FRAS1: variants seen among roughly 807,000 people sequenced by gnomAD.
FRAS1 encodes extracellular matrix organizing protein FRAS1.
In FRAS1, 290 loss-of-function variants were observed where a neutral mutation model predicts 435.2. The observed-to-expected ratio is 0.67, with a 90% CI of 0.61 to 0.73. The LOEUF (loss-of-function observed/expected upper bound fraction) is 0.73, where lower values mean the gene tolerates loss of function less well. FRAS1 is among the 30% of genes least tolerant of loss of function. The pLI, the probability that FRAS1 is intolerant of heterozygous loss-of-function variation, is 0.00. For missense variants in FRAS1, 4,860 were observed against 5,001.5 expected, an observed-to-expected ratio of 0.97 and a Z score of 0.85; for synonymous variants, 1,800 against 1,851.0, an observed-to-expected ratio of 0.97 and a Z score of 0.71.
chr4:78,100,632 T>C (rs1169074506), intron 2 of FRAS1, among the ~76,000 whole-genome samples: 2 of 152,264 alleles, frequency 1.3e-5, no homozygotes, highest in Non-Finnish European at 2.9e-5. Flanking sequence ...TTTGTTTTTA[T>C]TATCTGTCAT....
chr4:78,300,925 C>T (rs538901650), intron 14 of FRAS1, among the ~76,000 whole-genome samples: 13 of 152,164 alleles, frequency 8.5e-5, no homozygotes, highest in Admixed American at 5.2e-4. Flanking sequence ...GTCCCCACCA[C>T]CCCCACCACT....
At position 78,482,517 on chromosome 4, in the gene FRAS1, A is replaced by G; in HGVS notation, c.8734A>G (p.Asn2912Asp). 1 of 1,613,870 alleles carries G rather than the reference A, an allele frequency of 6.2e-7. No homozygotes were observed. The highest frequency in any genetic ancestry group is 2.2e-5 in the East Asian group (1 of 44,882). ...TKPFQAVIAI[N>D]DTFQDVPSMQ... ...ACCCTTCCAGGCAGTCATTGCAATT[A>G]ATGACACATTCCAAGATGGTAAGAG... is the stretch of plus-strand genomic sequence containing the variant. The change falls in exon 58 of 74, where the codon AAT (asparagine) becomes GAT (aspartate). Residue 2912 changes from asparagine to aspartate, a missense_variant. Coordinates refer to ENST00000512123, the MANE Select transcript of FRAS1 (RefSeq NM_025074.7).
At chr4:78,336,923 G>A (rs11936582) in intron 19 of FRAS1, among the ~76,000 whole-genome samples, 39 of 152,152 alleles carry the variant, frequency 2.6e-4, no homozygotes, top group Admixed American at 9.2e-4. Context: ...AGCTGCAGCC[G>A]CCTCTGATTC....
intron 9 of FRAS1, among the ~76,000 whole-genome samples, chr4:78,274,752 A>T (rs558195025): frequency 2.6e-5 from 4 of 152,024 alleles, no homozygotes; most frequent in Non-Finnish European, 5.9e-5. Context: ...TTAATTTTGG[A>T]ATAGGTGTGG....
chr4:78,392,304 A>G (rs538488765), intron 29 of FRAS1, among the ~76,000 whole-genome samples: 15 of 152,182 alleles, frequency 9.9e-5, no homozygotes, highest in Non-Finnish European at 2.2e-4. Context: ...ATTTTTACAG[A>G]ACAAGTAAAA....
chr4:78,113,398 G>T (rs1288415852), intron 2 of FRAS1, among the ~76,000 whole-genome samples: 1 of 152,070 alleles, frequency 6.6e-6, no homozygotes, highest in African/African-American at 2.4e-5. Flanking sequence ...CTGAGGAATC[G>T]TCACACTGAC....
chr4:78,463,165 A>G (rs968120), intron 47 of FRAS1, among the ~76,000 whole-genome samples: 53,562 of 152,028 alleles, frequency 0.35, 9,751 homozygotes, highest in Admixed American at 0.42. Context: ...TAGCAGCCCT[A>G]AGACAGAAGC....
chr4:78,323,917 T>C (rs951939349), intron 18 of FRAS1, among the ~76,000 whole-genome samples: 1 of 152,166 alleles, frequency 6.6e-6, no homozygotes, highest in Non-Finnish European at 1.5e-5. Context: ...GAATTTCTCA[T>C]AGGACTCTCC....
intron 20 of FRAS1, among the ~76,000 whole-genome samples, chr4:78,340,307 T>C (rs1730347080): frequency 6.6e-6 from 1 of 152,250 alleles, no homozygotes; most frequent in African/African-American, 2.4e-5. Context: ...AACCATTGTC[T>C]GGTGCTTAGA....
intron 51 of FRAS1, 134 bp from the exon 52 acceptor site, chr4:78,472,046 A>T (rs1719724291): frequency 1.1e-6 from 1 of 912,944 alleles, no homozygotes; most frequent in African/African-American, 1.7e-5. Flanking sequence ...TAGCCTCTCC[A>T]ATCCTGACAG....
intron 44 of FRAS1, among the ~76,000 whole-genome samples, chr4:78,449,678 A>C (rs1272849437): frequency 6.6e-6 from 1 of 152,074 alleles, no homozygotes; most frequent in Non-Finnish European, 1.5e-5. Context: ...CTCTGTCCTG[A>C]AGGATGCTGA....
At chr4:78,113,279 A>C (rs1375011985) in intron 2 of FRAS1, among the ~76,000 whole-genome samples, 1 of 152,224 alleles carries the variant, frequency 6.6e-6, no homozygotes, top group African/African-American at 2.4e-5. Flanking sequence ...ATAGTGCCGC[A>C]ACAAACATAA....
Position 78,471,826 on chromosome 4 carries a change from A to G in FRAS1, c.7372-354A>G, listed in dbSNP as rs867688974. On this transcript the variant is annotated intron_variant, in intron 51 of 73. Transcript: ENST00000512123. ...AAGTTCCAACTTTCTTTCAAGGCCC[A>G]ACTCAAATCCCACTGCCTCCAATCC... Among the ~76,000 whole-genome samples, 13 of 152,290 alleles carry G rather than the reference A, an allele frequency of 8.5e-5. No individual in the cohort carries two copies. In the South Asian group the frequency reaches 2.7e-3, roughly 32 times the overall value.
In FRAS1 at chr4:78,541,107, G is replaced by C. The variant is rs757679226; in HGVS notation, c.12022G>C (p.Asp4008His). ...LEVRVHNNLQ[D>H]GTEV Reference sequence around the variant, plus strand: ...AGTCAGAGTTCACAACAATTTACAAGATGGAACAGAAGTTTAATGGAGGAG... The same window carrying C: ...AGTCAGAGTTCACAACAATTTACAACATGGAACAGAAGTTTAATGGAGGAG... The change falls in exon 74 of 74, where the codon GAT becomes CAT. Residue 4008 changes from aspartate to histidine, a missense_variant. By Grantham distance (81) the Asp-to-His change is moderately conservative. Transcript: ENST00000512123. 2.2e-6 allele frequency: 3 copies of C among 1,384,520 alleles called. No homozygotes were observed. Among genetic ancestry groups the C allele is most frequent in the South Asian group, 4.6e-5 (2 of 43,488 alleles). 85.8% of individuals were successfully genotyped at this position (1,384,520 alleles called of 1,614,324 possible).
At chr4:78,418,875 A>T in intron 32 of FRAS1, 74 bp from the exon 33 acceptor site, 3 of 833,502 alleles carry the variant, frequency 3.6e-6, no homozygotes, top group East Asian at 2.7e-5. Flanking sequence ...TTTTTTTCTT[A>T]ATAAGGTCTG....
intron 22 of FRAS1, among the ~76,000 whole-genome samples, chr4:78,365,747 A>AC (rs1731241195): frequency 2.9e-5 from 3 of 104,436 alleles, no homozygotes; most frequent in African/African-American, 4.9e-5. Context: ...TAAAAAAAAA[A>AC]AAACAAAAAA....
chr4:78,514,271 G>T (rs777826278), intron 65 of FRAS1, among the ~76,000 whole-genome samples: 1 of 152,236 alleles, frequency 6.6e-6, no homozygotes, highest in Non-Finnish European at 1.5e-5. Flanking sequence ...TGCAGCTGAC[G>T]CAGAGCTGAA....
At chr4:78,297,652 A>C (rs1728198411) in intron 14 of FRAS1, among the ~76,000 whole-genome samples, 1 of 152,158 alleles carries the variant, frequency 6.6e-6, no homozygotes, top group African/African-American at 2.4e-5. Flanking sequence ...TTACCAAATA[A>C]ATTATCTGTT....
chr4:78,081,880 C>A lies in FRAS1; in HGVS notation c.108+15864C>A, dbSNP rs185078824. On this transcript the variant is annotated intron_variant, in intron 2 of 73. Coordinates refer to ENST00000512123, the MANE Select transcript of FRAS1 (RefSeq NM_025074.7). ...TGTTTTTTGGCATTCTCCTTCCTTA[C>A]GCCATATCCTTTAGAAAAGGAGGGC... Among the ~76,000 whole-genome samples the A allele has an allele frequency of 1.5e-4, 23 of 152,186 alleles. No individual in the cohort carries two copies. In the East Asian group the frequency reaches 4.3e-3, roughly 28 times the overall value.
Sources: allele counts gnomAD v4.1 joint callset (sites outside exome capture counted in the v4.1 genomes callset), GRCh38; gene constraint gnomAD v4.1.1; transcripts MANE v1.5; gene names NCBI Gene and HGNC (gene_info 2026-07-23, HGNC 2026-07-21).